GFM1: variants seen among roughly 807,000 people sequenced by gnomAD.
GFM1 encodes the protein elongation factor G, mitochondrial.
A neutral mutation model predicts 96.2 loss-of-function variants in GFM1; 62 were observed. The ratio of observed to expected loss-of-function variants is 0.64; its 90% CI spans 0.53 to 0.80. GFM1 has a LOEUF of 0.80. Ranked by LOEUF, GFM1 falls within the 30% of genes least tolerant of loss-of-function variation. The probability of loss-of-function intolerance (pLI) is 0.00; values close to 1 mark genes in which losing one functional copy is unlikely to be tolerated. For synonymous variants in GFM1, 282 were observed against 312.9 expected (o/e 0.90, Z 1.04); for missense variants, 852 against 916.6 (o/e 0.93, Z 0.91).
chr3:158,674,093 T>G (rs1724650566), intron 13 of GFM1, among the ~76,000 whole-genome samples: 1 of 151,524 alleles, frequency 6.6e-6, no homozygotes, highest in African/African-American at 2.4e-5. Flanking sequence ...TTTTTTTTTT[T>G]TTTTGGAGAC....
At chr3:158,666,155 T>A in intron 12 of GFM1, 149 bp from the exon 13 acceptor site, 1 of 647,876 alleles carries the variant, frequency 1.5e-6, no homozygotes, top group Non-Finnish European at 2.8e-6. Flanking sequence ...AAGTATCACA[T>A]ACCTAATCCT....
At chr3:158,671,624 A>G (rs1724321919) in intron 13 of GFM1, among the ~76,000 whole-genome samples, 1 of 152,266 alleles carries the variant, frequency 6.6e-6, no homozygotes, top group Non-Finnish European at 1.5e-5. Flanking sequence ...TCAAAATAAG[A>G]TCTACTGTGT....
intron 13 of GFM1, chr3:158,672,455 G>A (rs751433466): frequency 3.7e-6 from 6 of 1,614,118 alleles, no homozygotes; most frequent in South Asian, 3.3e-5. Flanking sequence ...TGGAGGCTGG[G>A]TAGTTGGTCG....
At chr3:158,653,758 A>AG (rs1003781357) in intron 7 of GFM1, among the ~76,000 whole-genome samples, 1 of 52,880 alleles carries the variant, frequency 1.9e-5, no homozygotes, top group African/African-American at 1.3e-4. Flanking sequence ...ACATACTGTT[A>AG]AAAAAAAAAA....
chr3:158,650,083 C>G, intron 5 of GFM1: 1 of 1,522,324 alleles, frequency 6.6e-7, no homozygotes, highest in East Asian at 2.4e-5. Flanking sequence ...GCATTGTGAT[C>G]AGTGAACTAT....
At chr3:158,688,412 G>T (rs1198446068) in intron 15 of GFM1, among the ~76,000 whole-genome samples, 1 of 152,160 alleles carries the variant, frequency 6.6e-6, no homozygotes, top group African/African-American at 2.4e-5. Flanking sequence ...AGGGTAAGGG[G>T]ATGTGAAACA....
intron 11 of GFM1, 47 bp from the exon 12 acceptor site, chr3:158,665,290 T>A: frequency 6.8e-7 from 1 of 1,472,310 alleles, no homozygotes; most frequent in Non-Finnish European, 9.5e-7. Flanking sequence ...ATCCCATTGC[T>A]TATCATGCTC....
chr3:158,654,205 C>CTTTTTTTTTTT lies in GFM1; in HGVS notation c.999-328_999-318dup, dbSNP rs551796824. ...AGTAACTAAGCTAAGCTCTAAAGAC[C>CTTTTTTTTTTT]TTTTTTTTTTTTTTTTTTTTTTTTG... On this transcript the variant is annotated intron_variant, in intron 7 of 17. Coordinates refer to ENST00000486715, the MANE Select transcript of GFM1 (RefSeq NM_024996.7). 4.5e-4 allele frequency among the ~76,000 whole-genome samples: 39 copies of CTTTTTTTTTTT among 85,990 alleles called. 3 individuals carry two copies. The highest frequency in any genetic ancestry group is 1.4e-3 in the African/African-American group (30 of 20,992). The allele number at this position is 85,990 out of a possible 152,430, so 56.4% of individuals were successfully genotyped here. A position where few individuals can be genotyped will look rare whatever the true frequency, so the allele number is the denominator to read the frequency against.
intron 8 of GFM1, among the ~76,000 whole-genome samples, chr3:158,658,429 T>G (rs1417790958): frequency 1.3e-5 from 2 of 152,270 alleles, no homozygotes; most frequent in East Asian, 3.9e-4. Context: ...CCTCCCAGAG[T>G]GCTGGGATTA....
chr3:158,687,702 T>C (rs1725976586), intron 15 of GFM1, among the ~76,000 whole-genome samples: 1 of 152,066 alleles, frequency 6.6e-6, no homozygotes, highest in South Asian at 2.1e-4. Flanking sequence ...TCCTGACCTC[T>C]AATGATCCAC....
Position 158,660,866 on chromosome 3 carries a change from T to A in GFM1, c.1222-8T>A. 1 of 1,611,126 alleles carries A rather than the reference T, an allele frequency of 6.2e-7. No individual in the cohort carries two copies. Among genetic ancestry groups the A allele is most frequent in the Non-Finnish European group, 8.5e-7 (1 of 1,177,324 alleles). Reference sequence around the variant, plus strand: ...GCAAATATAATTTTGTGTTATTTGTTTTTTTAGGATGTTGAGGAAGTATAT... The same window carrying A: ...GCAAATATAATTTTGTGTTATTTGTATTTTTAGGATGTTGAGGAAGTATAT... On this transcript the variant is annotated splice_polypyrimidine_tract_variant and splice_region_variant and intron_variant, in intron 9 of 17. Coordinates refer to ENST00000486715, the MANE Select transcript of GFM1 (RefSeq NM_024996.7).
In GFM1 at chr3:158,645,635, T is replaced by G. The variant is rs760733794; in HGVS notation, c.88T>G (p.Trp30Gly). The G allele has an allele frequency of 6.8e-6, 11 of 1,612,612 alleles. No individual in the cohort carries two copies. The African/African-American group carries it at 1.5e-4, about 22-fold the overall frequency. Residue 30 changes from tryptophan to glycine, a missense_variant, in exon 2 of 18, where the codon TGG (tryptophan) becomes GGG (glycine). Coordinates refer to ENST00000486715, the MANE Select transcript of GFM1 (RefSeq NM_024996.7). ...GCTCTCGTATTTTTTTCAGGTTAAT[T>G]GGAAGGCCTGCCGATGGTCTTCATC... ...SLGWQRKQVNWKACRWSSSGV... is the reference protein window; with the variant it reads ...SLGWQRKQVNGKACRWSSSGV...
intron 13 of GFM1, among the ~76,000 whole-genome samples, chr3:158,675,442 AAAT>A (rs1222387653): frequency 1.3e-5 from 2 of 151,924 alleles, no homozygotes; most frequent in Non-Finnish European, 2.9e-5. Flanking sequence ...AGCTGTAACA[AAAT>A]AATATTTATT....
intron 8 of GFM1, among the ~76,000 whole-genome samples, chr3:158,655,409 G>T (rs1196021845): frequency 4.0e-5 from 6 of 151,802 alleles, no homozygotes; most frequent in Non-Finnish European, 7.4e-5. Context: ...GCTTGAACCT[G>T]GGAGGTGGAG....
intron 16 of GFM1, 101 bp from the exon 17 acceptor site, chr3:158,691,038 A>G: frequency 1.2e-6 from 1 of 803,520 alleles, no homozygotes; most frequent in Non-Finnish European, 2.2e-6. Flanking sequence ...TAGTGAGCAG[A>G]AATCTTAATC....
At chr3:158,651,496 T>G (rs1308050198) in intron 5 of GFM1, among the ~76,000 whole-genome samples, 1 of 151,834 alleles carries the variant, frequency 6.6e-6, no homozygotes, top group African/African-American at 2.4e-5. Flanking sequence ...ACTTCATATG[T>G]GAAGATCAAA....
rs1258469118 is a variant in GFM1 at position 158,653,487 on chromosome 3, T to C, written c.998+20T>C. 3.8e-6 allele frequency: 6 copies of C among 1,577,312 alleles called. No homozygotes were observed. Among genetic ancestry groups the C allele is most frequent in the East Asian group, 2.2e-5 (1 of 44,654 alleles). ...AGAGGAGTAAGTCTTGAAAATTGAA[T>C]CTTAGTTTATGCAGAAATACTTTCG... On this transcript the variant is annotated intron_variant, in intron 7 of 17. Transcript: ENST00000486715.
intron 8 of GFM1, among the ~76,000 whole-genome samples, chr3:158,658,157 C>CTTTTTTTTTTTT (rs397842738): frequency 7.2e-5 from 7 of 97,358 alleles, no homozygotes; most frequent in Non-Finnish European, 9.5e-5. Flanking sequence ...TCACAGAACT[C>CTTTTTTTTTTTT]TTTTTTTTTT....
intron 4 of GFM1, among the ~76,000 whole-genome samples, chr3:158,648,616 T>A (rs1005925319): frequency 6.8e-6 from 1 of 146,674 alleles, no homozygotes; most frequent in Non-Finnish European, 1.5e-5. Flanking sequence ...AGGCGGAGGT[T>A]GCAGTGAGCG....
Sources: allele counts gnomAD v4.1 joint callset (sites outside exome capture counted in the v4.1 genomes callset), GRCh38; gene constraint gnomAD v4.1.1; transcripts MANE v1.5; gene names NCBI Gene and HGNC (gene_info 2026-07-23, HGNC 2026-07-21).